Variants in WWOX observed in about 807,000 individuals in gnomAD.
The protein encoded by WWOX is WW domain containing oxidoreductase, also known as WW domain-containing oxidoreductase.
In WWOX, 69 loss-of-function variants were observed where a neutral mutation model predicts 46.2. The observed-to-expected ratio is 1.49, with a 90% CI of 1.23 to 1.82. The LOEUF (loss-of-function observed/expected upper bound fraction) is 1.82. Among genes scored for constraint, WWOX ranks in the 40% most tolerant of loss-of-function variants. The pLI is 0.00. For synonymous variants in WWOX, 359 were observed against 202.6 expected, an observed-to-expected ratio of 1.77 and a Z score of -6.56; for missense variants, 919 against 542.6, an observed-to-expected ratio of 1.69 and a Z score of -6.89.
chr16:78,853,547 C>A (rs1282089211), intron 8 of WWOX, among the ~76,000 whole-genome samples: 1 of 152,186 alleles, frequency 6.6e-6, no homozygotes, highest in Non-Finnish European at 1.5e-5. Flanking sequence ...CACTGCTCTC[C>A]ATTACTCATG....
intron 6 of WWOX, among the ~76,000 whole-genome samples, chr16:78,393,617 T>G (rs557659468): frequency 3.3e-4 from 51 of 152,330 alleles, no homozygotes; most frequent in African/African-American, 1.2e-3. Flanking sequence ...ATTACTTAGA[T>G]TGCAGTTACT....
chr16:78,148,288 G>A (rs1369484381), intron 4 of WWOX, among the ~76,000 whole-genome samples: 1 of 152,268 alleles, frequency 6.6e-6, no homozygotes, highest in East Asian at 1.9e-4. Context: ...GAGACCATGG[G>A]TGTGTGTGTG....
chr16:78,314,229 A>C (rs1468076208), intron 5 of WWOX, among the ~76,000 whole-genome samples: 1 of 151,582 alleles, frequency 6.6e-6, no homozygotes, highest in Non-Finnish European at 1.5e-5. Context: ...ACACAGTGAA[A>C]CCCCGTCTCT....
At chr16:79,067,618 G>A (rs950268190) in intron 8 of WWOX, among the ~76,000 whole-genome samples, 2 of 124,812 alleles carry the variant, frequency 1.6e-5, no homozygotes, top group South Asian at 3.2e-4. Flanking sequence ...TAATTTGTGC[G>A]TGTGGGTGGG....
At chr16:78,469,434 C>T (rs2084168257) in intron 8 of WWOX, among the ~76,000 whole-genome samples, 3 of 152,126 alleles carry the variant, frequency 2.0e-5, no homozygotes, top group South Asian at 2.1e-4. Flanking sequence ...CAAAAGTGAG[C>T]AACAAGGAGA....
intron 8 of WWOX, among the ~76,000 whole-genome samples, chr16:78,874,138 C>A (rs772984602): frequency 1.3e-5 from 2 of 151,832 alleles, no homozygotes; most frequent in Non-Finnish European, 2.9e-5. Context: ...CGTCTGTAAT[C>A]CCAGCTACTC....
chr16:78,978,970 C>G (rs75009478), intron 8 of WWOX, among the ~76,000 whole-genome samples: 2 of 152,158 alleles, frequency 1.3e-5, no homozygotes, highest in Admixed American at 6.5e-5. Flanking sequence ...CTCTCCCCTA[C>G]ACCTTGAAGC....
At chr16:78,557,810 G>T (rs28689502) in intron 8 of WWOX, among the ~76,000 whole-genome samples, 1 of 148,462 alleles carries the variant, frequency 6.7e-6, no homozygotes. Flanking sequence ...ATTCTCCTAC[G>T]TCAGCCTCCT....
chr16:78,643,961 G>C (rs1013598616), intron 8 of WWOX, among the ~76,000 whole-genome samples: 1 of 152,114 alleles, frequency 6.6e-6, no homozygotes, highest in African/African-American at 2.4e-5. Flanking sequence ...GGTGGCTCAC[G>C]CCTGTAATCC....
chr16:79,162,867 A>G (rs2050514335), intron 8 of WWOX, among the ~76,000 whole-genome samples: 1 of 152,160 alleles, frequency 6.6e-6, no homozygotes, highest in Non-Finnish European at 1.5e-5. Flanking sequence ...TTCTAAGCCA[A>G]AGCAAAGGTG....
chr16:78,580,759 G>C (rs887820895), intron 8 of WWOX, among the ~76,000 whole-genome samples: 7 of 152,342 alleles, frequency 4.6e-5, no homozygotes, highest in Admixed American at 3.3e-4. Context: ...AGTCTTCTGT[G>C]AGAAGTCTGC....
intron 6 of WWOX, among the ~76,000 whole-genome samples, chr16:78,402,938 G>A (rs930232719): frequency 6.6e-6 from 1 of 152,188 alleles, no homozygotes; most frequent in Non-Finnish European, 1.5e-5. Flanking sequence ...CAGCAAGGTT[G>A]TATTTCTTCA....
chr16:79,207,869 T>G (rs1008903429), intron 8 of WWOX, among the ~76,000 whole-genome samples: 2 of 152,224 alleles, frequency 1.3e-5, no homozygotes, highest in Non-Finnish European at 2.9e-5. Context: ...ATTTGTATTC[T>G]GTGCTGACAA....
chr16:78,955,500 G>A (rs1285374314), intron 8 of WWOX, among the ~76,000 whole-genome samples: 1 of 152,138 alleles, frequency 6.6e-6, no homozygotes, highest in East Asian at 1.9e-4. Flanking sequence ...ATGGCGCGAA[G>A]TTCACCTCGT....
chr16:78,202,315 G>C (rs1308078628), intron 5 of WWOX, among the ~76,000 whole-genome samples: 1 of 152,178 alleles, frequency 6.6e-6, no homozygotes, highest in Non-Finnish European at 1.5e-5. Flanking sequence ...AGGAATGAAG[G>C]GTGGTTCTCC....
chr16:78,705,802 A>G (rs181246271), intron 8 of WWOX, among the ~76,000 whole-genome samples: 1 of 152,356 alleles, frequency 6.6e-6, no homozygotes. Context: ...ACAAAATGAA[A>G]AAACAAGAAT....
chr16:78,314,347 A>C (rs955672189), intron 5 of WWOX, among the ~76,000 whole-genome samples: 1 of 146,640 alleles, frequency 6.8e-6, no homozygotes, highest in African/African-American at 2.5e-5. Flanking sequence ...CAGAGGTTGC[A>C]GTGAGCCGAG....
intron 8 of WWOX, chr16:78,994,370 A>G (rs1481866248): frequency 6.6e-6 from 1 of 152,212 alleles, no homozygotes; most frequent in Admixed American, 6.5e-5. Flanking sequence ...AAGAAAGAAG[A>G]AGGAGATAGG....
At chr16:78,611,973 T>C (rs2045911213) in intron 8 of WWOX, among the ~76,000 whole-genome samples, 1 of 152,202 alleles carries the variant, frequency 6.6e-6, no homozygotes, top group Admixed American at 6.5e-5. Context: ...CCATACAGCC[T>C]AGCCCACAGA....
Sources: gnomAD v4.1 joint callset for allele counts (sites outside exome capture counted in the v4.1 genomes callset) on GRCh38, gnomAD v4.1.1 for gene constraint, MANE v1.5 for transcripts, NCBI Gene and HGNC (gene_info 2026-07-23, HGNC 2026-07-21) for gene names.